Variants in PDE1C observed in about 807,000 individuals in gnomAD.
PDE1C encodes the protein phosphodiesterase 1C, also known as dual specificity calcium/calmodulin-dependent 3',5'-cyclic nucleotide phosphodiesterase 1C.
Under a neutral mutation model 93.1 loss-of-function variants are expected in PDE1C, and 62 were observed. That is an observed-to-expected ratio of 0.67 (90% CI 0.54 to 0.82). The LOEUF (loss-of-function observed/expected upper bound fraction) is 0.82, where lower values mean the gene tolerates loss of function less well. Among genes scored for constraint, PDE1C ranks in the 40% least tolerant of loss-of-function variants. The probability of loss-of-function intolerance (pLI) is 0.00; values close to 1 mark genes in which losing one functional copy is unlikely to be tolerated. For synonymous variants in PDE1C, 325 were observed against 310.1 expected, an observed-to-expected ratio of 1.05 and a Z score of -0.50; for missense variants, 742 against 884.6, an observed-to-expected ratio of 0.84 and a Z score of 2.04.
At chr7:32,417,036 A>C (rs954874012) in intron 1 of PDE1C, among the ~76,000 whole-genome samples, 3 of 152,162 alleles carry the variant, frequency 2.0e-5, no homozygotes, top group Non-Finnish European at 2.9e-5. Flanking sequence ...CAGACTAAGG[A>C]GAACAACAAT....
At chr7:32,386,942 A>G (rs1784639171) in intron 1 of PDE1C, among the ~76,000 whole-genome samples, 1 of 150,472 alleles carries the variant, frequency 6.6e-6, no homozygotes, top group Non-Finnish European at 1.5e-5. Context: ...TGGCAGGGTC[A>G]TAGGACAATA....
At position 31,837,288 on chromosome 7, in the gene PDE1C, T is replaced by C. The variant is rs1224803009; in HGVS notation, c.1095A>G (p.Pro365=). ...TATGCAGCATAAGGGATAAGGCTTTTGGCTTTTCAATGCTGTAAACCAAAA... is the reference window on the plus strand; with the variant it reads ...TATGCAGCATAAGGGATAAGGCTTTCGGCTTTTCAATGCTGTAAACCAAAA... ...ALQQPEAIEK[P]KALSLMLHTA... is the part of the protein sequence containing the mutation. Residue 365 remains proline (P), a synonymous_variant, in exon 11 of 18, where the codon CCA becomes CCG. Coordinates refer to ENST00000396191, the MANE Select transcript of PDE1C (RefSeq NM_001191057.4). 1 of 1,611,016 alleles carries C rather than the reference T, an allele frequency of 6.2e-7. No individual in the cohort carries two copies. Among genetic ancestry groups the C allele is most frequent in the East Asian group, 2.2e-5 (1 of 44,724 alleles).
At chr7:31,695,592 C>T in the PDE1C span, 34 of 1,613,480 alleles carry the variant, frequency 2.1e-5, no homozygotes, top group Admixed American at 3.3e-5. Flanking sequence ...AAAGATACAC[C>T]GGCGCTGCAC....
exon 3 of PDE1C, chr7:32,169,940 G>A: frequency 1.2e-6 from 2 of 1,612,430 alleles, no homozygotes; most frequent in Non-Finnish European, 1.7e-6. Flanking sequence ...TCCACAGACA[G>A]TTCTGTGACT....
At chr7:32,194,362 T>G (rs1804461574) in intron 2 of PDE1C, among the ~76,000 whole-genome samples, 1 of 152,240 alleles carries the variant, frequency 6.6e-6, no homozygotes, top group African/African-American at 2.4e-5. Context: ...AATTTGTGTC[T>G]TGTGTTCAAT....
chr7:31,970,092 T>C (rs1003076013), intron 2 of PDE1C, among the ~76,000 whole-genome samples: 3 of 152,040 alleles, frequency 2.0e-5, no homozygotes, highest in African/African-American at 7.2e-5. Context: ...GGTATACATA[T>C]GTAACAAACC....
chr7:32,365,263 C>T (rs1321665401), intron 1 of PDE1C, among the ~76,000 whole-genome samples: 1 of 152,158 alleles, frequency 6.6e-6, no homozygotes, highest in Middle Eastern at 3.2e-3. Context: ...GGGCAAATCT[C>T]CAAGCTAGCC....
intron 12 of PDE1C, among the ~76,000 whole-genome samples, chr7:31,825,998 A>G: frequency 6.6e-6 from 1 of 152,266 alleles, no homozygotes. Flanking sequence ...ACCTTTGTAT[A>G]GTGATAGAGA....
At chr7:32,203,923 GT>G (rs1260016865) in intron 2 of PDE1C, among the ~76,000 whole-genome samples, 1 of 152,078 alleles carries the variant, frequency 6.6e-6, no homozygotes, top group African/African-American at 2.4e-5. Flanking sequence ...TTGGCATACA[GT>G]TTTTTTCTTT....
At position 31,786,154 on chromosome 7, in the gene PDE1C, T is replaced by C. The variant is rs1339261342; in HGVS notation, c.1892-10422A>G. On this transcript the variant is annotated intron_variant, in intron 16 of 17. Transcript: ENST00000396191. ...CTGCACATAGAGAATCTATTTGCTGTAGGAGAGTCTGTTTAAGGTTTTAAA... is the reference window on the plus strand; with the variant it reads ...CTGCACATAGAGAATCTATTTGCTGCAGGAGAGTCTGTTTAAGGTTTTAAA... 4 of 152,200 alleles carry C rather than the reference T, an allele frequency of 2.6e-5. No homozygotes were observed. The South Asian group carries it at 8.3e-4, about 32-fold the overall frequency. 9.4% of individuals were successfully genotyped at this position (152,200 alleles called of 1,614,324 possible). A position where few individuals can be genotyped will look rare whatever the true frequency, so the allele number is the denominator to read the frequency against.
At chr7:31,692,847 C>T in the PDE1C span, among the ~76,000 whole-genome samples, 146,831 of 152,330 alleles carry the variant, frequency 0.96, 70,801 homozygotes, top group East Asian at 1. Flanking sequence ...TGTGTCAGTA[C>T]AGCTTGTTTC....
the PDE1C span, among the ~76,000 whole-genome samples, chr7:31,671,834 A>G: frequency 6.6e-6 from 1 of 152,216 alleles, no homozygotes; most frequent in African/African-American, 2.4e-5. Context: ...GAGATCTAAT[A>G]GAACACCGGA....
rs182994012 is a variant in PDE1C at position 32,266,239 on chromosome 7, G to A, written c.85+32412C>T. Among the ~76,000 whole-genome samples, 669 of 151,320 alleles carry A rather than the reference G, an allele frequency of 4.4e-3. 8 individuals carry two copies. The highest frequency in any genetic ancestry group is 0.015 in the African/African-American group (632 of 41,202). ...ACAGCTTGCAGTGAGCCGAGATCGC[G>A]CCACTGCACTCCAGCCTGGGCGACA... On this transcript the variant is annotated intron_variant, in intron 1 of 18. Coordinates refer to the PDE1C transcript ENST00000396193.
At chr7:31,721,706 G>A in the PDE1C span, among the ~76,000 whole-genome samples, 1 of 152,182 alleles carries the variant, frequency 6.6e-6, no homozygotes, top group African/African-American at 2.4e-5. Context: ...AGCAATACTT[G>A]GACACGCTGT....
At chr7:32,126,246 T>TAGATAGA (rs1799576909) in intron 3 of PDE1C, among the ~76,000 whole-genome samples, 1 of 151,584 alleles carries the variant, frequency 6.6e-6, no homozygotes, top group African/African-American at 2.4e-5. Flanking sequence ...GATAGATAGA[T>TAGATAGA]TCATTTAAAT....
At chr7:31,999,880 A>G (rs958189833) in intron 2 of PDE1C, among the ~76,000 whole-genome samples, 2 of 152,192 alleles carry the variant, frequency 1.3e-5, no homozygotes, top group Non-Finnish European at 2.9e-5. Context: ...CTGGGGGAGA[A>G]AAGGAGACCC....
intron 1 of PDE1C, among the ~76,000 whole-genome samples, chr7:32,377,747 G>A (rs777006378): frequency 1.6e-4 from 24 of 152,192 alleles, no homozygotes; most frequent in Non-Finnish European, 2.8e-4. Flanking sequence ...AGGGTCACTA[G>A]TAAATGGTGG....
the PDE1C span, among the ~76,000 whole-genome samples, chr7:31,684,011 G>A: frequency 2.6e-5 from 4 of 152,168 alleles, no homozygotes; most frequent in East Asian, 3.8e-4. Flanking sequence ...TGCTGGGAGC[G>A]CTGTAGGCTG....
chr7:32,120,562 T>A (rs2128763585), intron 3 of PDE1C, among the ~76,000 whole-genome samples: 1 of 152,088 alleles, frequency 6.6e-6, no homozygotes, highest in East Asian at 1.9e-4. Flanking sequence ...CCTCCTTGAG[T>A]GATATCTCCA....
Sources: gnomAD v4.1 joint callset for allele counts (sites outside exome capture counted in the v4.1 genomes callset) on GRCh38, gnomAD v4.1.1 for gene constraint, MANE v1.5 for transcripts, NCBI Gene and HGNC (gene_info 2026-07-23, HGNC 2026-07-21) for gene names.